The following EDIL3 variants were observed in gnomAD, a reference collection of about 807,000 sequenced individuals.
EDIL3 encodes EGF like and discoidin domains 3.
EDIL3 carries 37 observed loss-of-function variants against 67.4 expected under a neutral mutation model. The ratio of observed to expected loss-of-function variants is 0.55; its 90% CI spans 0.42 to 0.72. The LOEUF is 0.72. EDIL3 is among the 30% of genes least tolerant of loss of function. EDIL3 has a pLI of 0.00. For missense variants in EDIL3, 527 were observed against 586.3 expected, an observed-to-expected ratio of 0.90 and a Z score of 1.04; for synonymous variants, 195 against 196.3, an observed-to-expected ratio of 0.99 and a Z score of 0.05.
At chr5:84,141,956 T>TCG (rs1561443875) in intron 4 of EDIL3, among the ~76,000 whole-genome samples, 12 of 65,050 alleles carry the variant, frequency 1.8e-4, no homozygotes, top group East Asian at 1.8e-3. Flanking sequence ...TACATAGATC[T>TCG]ATCTATCTAT....
At chr5:84,046,592 C>T (rs913109555) in intron 9 of EDIL3, among the ~76,000 whole-genome samples, 1 of 152,162 alleles carries the variant, frequency 6.6e-6, no homozygotes, top group Non-Finnish European at 1.5e-5. Context: ...TTACTGATTA[C>T]AATTGATTCT....
rs536496688 is a variant in EDIL3 at position 83,943,262 on chromosome 5, C to T, written c.*157G>A. The stretch of plus-strand genomic sequence containing the variant: ...AAATCATTGAAAAGGCAGGCTTAGA[C>T]CCCCTTAAAAACACCGTTAGTTGCC... On this transcript the variant is annotated 3_prime_UTR_variant, in exon 11 of 11. Coordinates refer to ENST00000296591, the MANE Select transcript of EDIL3 (RefSeq NM_005711.5). 512 of 869,682 alleles carry T rather than the reference C, an allele frequency of 5.9e-4. 8 individuals are homozygous for T. In the South Asian group the frequency reaches 8.7e-3, roughly 15 times the overall value. The allele number at this position is 869,682 out of a possible 1,614,324, so 53.9% of individuals were successfully genotyped here. A position where few individuals can be genotyped will look rare whatever the true frequency, so the allele number is the denominator to read the frequency against.
At chr5:84,291,627 T>A (rs563626722) in intron 1 of EDIL3, among the ~76,000 whole-genome samples, 13 of 149,994 alleles carry the variant, frequency 8.7e-5, no homozygotes, top group African/African-American at 2.9e-4. Flanking sequence ...TTATCATGTA[T>A]GTGTGTGTAT....
At chr5:84,038,717 G>A (rs1342904034) in intron 9 of EDIL3, among the ~76,000 whole-genome samples, 2 of 152,114 alleles carry the variant, frequency 1.3e-5, no homozygotes, top group Non-Finnish European at 2.9e-5. Flanking sequence ...AAAATCCAGG[G>A]GTCTAGGTGT....
chr5:84,242,088 C>T (rs959576662), intron 2 of EDIL3, among the ~76,000 whole-genome samples: 6 of 149,434 alleles, frequency 4.0e-5, no homozygotes, highest in East Asian at 3.9e-4. Flanking sequence ...AAAAATTAGC[C>T]AGGCGTGGTG....
At chr5:84,026,199 A>T (rs1002848666) in intron 9 of EDIL3, among the ~76,000 whole-genome samples, 1 of 152,200 alleles carries the variant, frequency 6.6e-6, no homozygotes, top group Non-Finnish European at 1.5e-5. Flanking sequence ...GGTAATTCAT[A>T]TGCACACTGA....
chr5:84,115,820 A>G (rs1394614038), intron 5 of EDIL3, among the ~76,000 whole-genome samples: 1 of 152,244 alleles, frequency 6.6e-6, no homozygotes, highest in Non-Finnish European at 1.5e-5. Flanking sequence ...TAAGAAGGGT[A>G]TAATGCCAAG....
chr5:84,195,201 C>A (rs939941415), intron 3 of EDIL3, among the ~76,000 whole-genome samples: 4 of 151,952 alleles, frequency 2.6e-5, no homozygotes, highest in South Asian at 2.1e-4. Flanking sequence ...AATACAATTT[C>A]TATTATATGA....
At chr5:84,103,523 AAAAAC>A (rs1747405565) in intron 6 of EDIL3, among the ~76,000 whole-genome samples, 1 of 151,722 alleles carries the variant, frequency 6.6e-6, no homozygotes, top group African/African-American at 2.4e-5. Flanking sequence ...TTTCAAGAAA[AAAAAC>A]AAACAACTTC....
intron 2 of EDIL3, among the ~76,000 whole-genome samples, chr5:84,242,418 C>T (rs1463268996): frequency 1.3e-5 from 2 of 152,136 alleles, no homozygotes; most frequent in Admixed American, 1.3e-4. Flanking sequence ...TGATGCTGTC[C>T]TTGAAAGAAT....
chr5:84,260,959 A>C (rs2112084080), intron 1 of EDIL3, among the ~76,000 whole-genome samples: 1 of 152,346 alleles, frequency 6.6e-6, no homozygotes, highest in Middle Eastern at 3.4e-3. Flanking sequence ...TGGAAAAGTA[A>C]AATGCAGAGA....
At chr5:84,362,486 C>T (rs1747629916) in intron 1 of EDIL3, among the ~76,000 whole-genome samples, 1 of 152,068 alleles carries the variant, frequency 6.6e-6, no homozygotes, top group South Asian at 2.1e-4. Flanking sequence ...CTAATATGTC[C>T]AAATGACTTC....
chr5:84,137,936 A>T (rs1246172427), intron 4 of EDIL3, among the ~76,000 whole-genome samples: 1 of 152,240 alleles, frequency 6.6e-6, no homozygotes, highest in Non-Finnish European at 1.5e-5. Context: ...TTCTAAAGTG[A>T]GGATGACTAA....
intron 1 of EDIL3, among the ~76,000 whole-genome samples, chr5:84,338,257 T>C (rs895133804): frequency 6.6e-6 from 1 of 152,124 alleles, no homozygotes; most frequent in Admixed American, 6.6e-5. Flanking sequence ...AATTTGGCTG[T>C]CCCTCTAACT....
chr5:84,243,470 A>G (rs1744838850), intron 2 of EDIL3, among the ~76,000 whole-genome samples: 1 of 152,234 alleles, frequency 6.6e-6, no homozygotes, highest in Non-Finnish European at 1.5e-5. Context: ...TTGTTCTTGA[A>G]AATGTTTGTA....
chr5:84,305,441 G>T (rs1299354431), intron 1 of EDIL3, among the ~76,000 whole-genome samples: 1 of 152,150 alleles, frequency 6.6e-6, no homozygotes, highest in Non-Finnish European at 1.5e-5. Flanking sequence ...TATTGTCATT[G>T]ATCCCAGGAG....
chr5:84,250,045 T>A (rs1022974680), intron 2 of EDIL3, among the ~76,000 whole-genome samples: 3 of 152,180 alleles, frequency 2.0e-5, no homozygotes, highest in African/African-American at 7.2e-5. Context: ...GAGTGAGTAA[T>A]TGGGAAGCAA....
In EDIL3 at chr5:83,984,235, T is replaced by C. The variant is rs576549006; in HGVS notation, c.1138-20875A>G. On this transcript the variant is annotated intron_variant, in intron 9 of 10. Transcript: ENST00000296591. The stretch of plus-strand genomic sequence containing the variant: ...CGAGCAAGGCATACTATATGGAGTA[T>C]GTGTAAAATAGAATACAGTGTGTGT... Among the ~76,000 whole-genome samples the C allele has an allele frequency of 2.6e-5, 4 of 152,030 alleles. No individual in the cohort carries two copies. The South Asian group carries it at 6.2e-4, about 24-fold the overall frequency.
At chr5:84,009,729 C>T (rs143126690) in intron 9 of EDIL3, among the ~76,000 whole-genome samples, 10 of 152,234 alleles carry the variant, frequency 6.6e-5, no homozygotes, top group South Asian at 4.1e-4. Flanking sequence ...ATGGATGACT[C>T]GAGACCAGAA....
Sources: allele counts gnomAD v4.1 joint callset (sites outside exome capture counted in the v4.1 genomes callset), GRCh38; gene constraint gnomAD v4.1.1; transcripts MANE v1.5; gene names NCBI Gene and HGNC (gene_info 2026-07-23, HGNC 2026-07-21).